Variants in NUTM2B observed in about 807,000 individuals in gnomAD.
The protein encoded by NUTM2B is family with sequence similarity 22, member B.
NUTM2B carries 2 observed loss-of-function variants against 42.4 expected under a neutral mutation model. The observed-to-expected ratio is 0.05, with a 90% CI of 0.02 to 0.15. The LOEUF is 0.15. NUTM2B is among the 10% of genes least tolerant of loss of function. The pLI, the probability that NUTM2B is intolerant of heterozygous loss-of-function variation, is 1.00. For synonymous variants in NUTM2B, 18 were observed against 402.4 expected (o/e 0.04, Z 11.43); for missense variants, 58 against 952.6 (o/e 0.06, Z 12.36).
chr10:79,701,336 C>A (rs1840310770), upstream of NUTM2B, among the ~76,000 whole-genome samples: 1 of 152,066 alleles, frequency 6.6e-6, no homozygotes, highest in African/African-American at 2.4e-5. Context: ...GATAAAGCAG[C>A]AGATAGTAAG....
chr10:79,697,703 C>G, the NUTM2B span, among the ~76,000 whole-genome samples: 1 of 149,978 alleles, frequency 6.7e-6, no homozygotes, highest in African/African-American at 2.5e-5. Context: ...GATTTGTTAA[C>G]AGTACATAAT....
At chr10:79,692,844 C>T in the NUTM2B span, among the ~76,000 whole-genome samples, 11 of 152,314 alleles carry the variant, frequency 7.2e-5, no homozygotes, top group South Asian at 2.3e-3. Context: ...CCAATTCTAA[C>T]CTGCAGACAC....
At chr10:79,700,684 G>T (rs570493613), upstream of NUTM2B, among the ~76,000 whole-genome samples, 1 of 152,184 alleles carries the variant, frequency 6.6e-6, no homozygotes, top group South Asian at 2.1e-4. Context: ...GAGAGCGAAG[G>T]CCGGTGGGTC....
the NUTM2B span, among the ~76,000 whole-genome samples, chr10:79,695,298 T>A: frequency 1.3e-5 from 2 of 152,164 alleles, no homozygotes; most frequent in Non-Finnish European, 2.9e-5. Flanking sequence ...TCACCTTGGT[T>A]CCTCAGGCTG....
At chr10:79,693,639 A>G in the NUTM2B span, among the ~76,000 whole-genome samples, 3 of 152,248 alleles carry the variant, frequency 2.0e-5, no homozygotes, top group Admixed American at 2.0e-4. Flanking sequence ...CCTAAAACTC[A>G]GGATCCATGA....
chr10:79,696,986 G>A, the NUTM2B span, among the ~76,000 whole-genome samples: 7 of 126,146 alleles, frequency 5.5e-5, no homozygotes, highest in South Asian at 1.2e-3. Flanking sequence ...TTACTTTTAC[G>A]TTGGACTCAC....
chr10:79,694,174 G>A, the NUTM2B span, among the ~76,000 whole-genome samples: 2 of 152,138 alleles, frequency 1.3e-5, no homozygotes, highest in East Asian at 3.9e-4. Context: ...GAGGCAGGTG[G>A]ATCACCTGAG....
the NUTM2B span, among the ~76,000 whole-genome samples, chr10:79,692,408 G>A: frequency 6.6e-6 from 1 of 152,116 alleles, no homozygotes; most frequent in Admixed American, 6.5e-5. Flanking sequence ...CTTGCCCAAG[G>A]TCACAAAGGT....
At chr10:79,692,394 A>T in the NUTM2B span, among the ~76,000 whole-genome samples, 1 of 152,170 alleles carries the variant, frequency 6.6e-6, no homozygotes, top group Non-Finnish European at 1.5e-5. Flanking sequence ...GAGAGGTTAA[A>T]ATACTTGCCC....
the NUTM2B span, among the ~76,000 whole-genome samples, chr10:79,692,555 A>C: frequency 6.6e-6 from 1 of 152,188 alleles, no homozygotes; most frequent in African/African-American, 2.4e-5. Flanking sequence ...GACATTTCAT[A>C]CAGGAAGTGA....
rs1309922319 is a variant in NUTM2B, at chr10:79,711,856, G to T, written c.2008G>T (p.Glu670Ter). The T allele has an allele frequency of 2.0e-6, 3 of 1,536,120 alleles. No homozygotes were observed. In the African/African-American group the frequency reaches 4.5e-5, roughly 23 times the overall value. ...TGACCCCCAACAAGGGGTTGGCATGGAAACCTGCCCACCCCAGATGACTGC... is the reference window on the plus strand; with the variant it reads ...TGACCCCCAACAAGGGGTTGGCATGTAAACCTGCCCACCCCAGATGACTGC... The change falls in exon 7 of 7, where the codon GAA (glutamate) becomes TAA (stop). Residue 670 changes from glutamate (E) to a stop codon, truncating the protein, a stop_gained. Coordinates refer to ENST00000429828, the Ensembl canonical transcript of NUTM2B. LOFTEE classifies it low-confidence loss of function (END_TRUNC).
At chr10:79,705,541 C>T (rs1459440907) in intron 1 of NUTM2B, among the ~76,000 whole-genome samples, 15 of 151,206 alleles carry the variant, frequency 9.9e-5, no homozygotes, top group South Asian at 4.2e-4. Flanking sequence ...TATGTCTGAG[C>T]TGGGAAAGAA....
At chr10:79,702,171 T>C (rs528846607), upstream of NUTM2B, among the ~76,000 whole-genome samples, 4,170 of 151,802 alleles carry the variant, frequency 0.027, 4 homozygotes, top group Non-Finnish European at 0.042. Flanking sequence ...TTTGCTTGAA[T>C]TGCTCTCCGT....
chr10:79,695,841 C>T, the NUTM2B span, among the ~76,000 whole-genome samples: 9 of 151,456 alleles, frequency 5.9e-5, no homozygotes, highest in Non-Finnish European at 1.2e-4. Context: ...ATCTGAGGAC[C>T]CAGATGCTAG....
chr10:79,695,579 C>A, the NUTM2B span, among the ~76,000 whole-genome samples: 1 of 152,146 alleles, frequency 6.6e-6, no homozygotes, highest in Non-Finnish European at 1.5e-5. Flanking sequence ...CCAACAGTAT[C>A]CCCACCCAGG....
At chr10:79,693,586 T>C in the NUTM2B span, among the ~76,000 whole-genome samples, 1 of 152,130 alleles carries the variant, frequency 6.6e-6, no homozygotes, top group Non-Finnish European at 1.5e-5. Flanking sequence ...GCATGGGAAA[T>C]TTTCTGTGCT....
At chr10:79,700,440 CCT>C (rs199858577), upstream of NUTM2B, among the ~76,000 whole-genome samples, 5,057 of 152,304 alleles carry the variant, frequency 0.033, 15 homozygotes, top group Non-Finnish European at 0.046. Context: ...ACACCTCCCC[CCT>C]CACTTCAGGG....
At chr10:79,699,567 C>T (rs1243308271), upstream of NUTM2B, among the ~76,000 whole-genome samples, 54 of 152,292 alleles carry the variant, frequency 3.5e-4, no homozygotes, top group African/African-American at 1.3e-3. Flanking sequence ...CTCAGCCTCC[C>T]GAGTAGCTGG....
At chr10:79,699,062 C>A (rs1380422691), upstream of NUTM2B, among the ~76,000 whole-genome samples, 18 of 151,946 alleles carry the variant, frequency 1.2e-4, no homozygotes, top group Admixed American at 5.2e-4. Context: ...ATGGATCTGC[C>A]CTCACACATT....
Sources: gnomAD v4.1 joint callset for allele counts (sites outside exome capture counted in the v4.1 genomes callset) on GRCh38, gnomAD v4.1.1 for gene constraint, MANE v1.5 for transcripts, NCBI Gene and HGNC (gene_info 2026-07-23, HGNC 2026-07-21) for gene names.